The following PHF20 variants were observed in gnomAD, a reference collection of about 807,000 sequenced individuals.
PHF20 encodes PHD finger protein 20, also known as glioma-expressed antigen 2.
PHF20 carries 23 observed loss-of-function variants against 113.5 expected under a neutral mutation model. The observed-to-expected ratio is 0.20, with a 90% CI of 0.15 to 0.29. The LOEUF (loss-of-function observed/expected upper bound fraction) is 0.29, where lower values mean the gene tolerates loss of function less well. Ranked by LOEUF, PHF20 falls within the 10% of genes least tolerant of loss-of-function variation. The pLI, the probability that PHF20 is intolerant of heterozygous loss-of-function variation, is 1.00. For missense variants in PHF20, 943 were observed against 1,219.6 expected (o/e 0.77, Z 3.38); for synonymous variants, 434 against 457.3 (o/e 0.95, Z 0.65).
chr20:35,777,599 T>G (rs1194422473), intron 1 of PHF20, among the ~76,000 whole-genome samples: 1 of 152,230 alleles, frequency 6.6e-6, no homozygotes, highest in Non-Finnish European at 1.5e-5. Flanking sequence ...GAGGATTGCT[T>G]GAAGCCAGGA....
At chr20:35,829,236 A>C (rs2042315761) in intron 2 of PHF20, among the ~76,000 whole-genome samples, 1 of 152,232 alleles carries the variant, frequency 6.6e-6, no homozygotes, top group South Asian at 2.1e-4. Context: ...TACATACAAC[A>C]TAAAATTTAG....
At chr20:35,859,475 A>C (rs1434238788) in intron 5 of PHF20, among the ~76,000 whole-genome samples, 2 of 151,748 alleles carry the variant, frequency 1.3e-5, no homozygotes, top group African/African-American at 4.8e-5. Flanking sequence ...ATAACTTGCT[A>C]CTCATCTGCT....
rs893214987 is a variant in PHF20, at chr20:35,861,165, T to C, written c.421-1848T>C. ...GAATAGATTGAGTTTTTTTTTTTTT[T>C]CTGTAGGACTGCACTGCCTTATAAA... is the stretch of plus-strand genomic sequence containing the variant. On this transcript the variant is annotated intron_variant, in intron 5 of 17. Transcript: ENST00000374012. 2.0e-5 allele frequency among the ~76,000 whole-genome samples: 3 copies of C among 152,072 alleles called. No individual in the cohort carries two copies. In the East Asian group the frequency reaches 5.8e-4, roughly 29 times the overall value.
At chr20:35,792,031 T>G (rs1351171419) in intron 1 of PHF20, among the ~76,000 whole-genome samples, 1 of 152,152 alleles carries the variant, frequency 6.6e-6, no homozygotes. Context: ...AATCCACTGA[T>G]TTAATCGACT....
intron 4 of PHF20, chr20:35,850,826 T>A: frequency 8.9e-7 from 1 of 1,119,274 alleles, no homozygotes; most frequent in Non-Finnish European, 1.3e-6. Flanking sequence ...GAAAATCAGG[T>A]GTATGTTTCT....
intron 10 of PHF20, among the ~76,000 whole-genome samples, chr20:35,905,018 C>T (rs2055178015): frequency 6.6e-6 from 1 of 151,764 alleles, no homozygotes; most frequent in South Asian, 2.1e-4. Context: ...AGAGACTGGG[C>T]TTCTCCGTGT....
intron 10 of PHF20, among the ~76,000 whole-genome samples, chr20:35,904,918 C>G (rs558027883): frequency 3.3e-4 from 50 of 151,736 alleles, no homozygotes; most frequent in African/African-American, 1.1e-3. Context: ...CTCCGCCTCC[C>G]GGATTCAAAT....
chr20:35,849,598 G>T, intron 4 of PHF20: 1 of 443,128 alleles, frequency 2.3e-6, no homozygotes, highest in Non-Finnish European at 4.7e-6. Context: ...GTCAGTTTGT[G>T]CTTCATCACG....
chr20:35,801,683 C>A, intron 2 of PHF20, 78 bp downstream of exon 2: 2 of 879,396 alleles, frequency 2.3e-6, no homozygotes, highest in Admixed American at 2.3e-5. Flanking sequence ...GTAGCTTAGG[C>A]TTTTTTTGTG....
chr20:35,888,959 T>G (rs2147032284), intron 9 of PHF20, among the ~76,000 whole-genome samples: 1 of 151,748 alleles, frequency 6.6e-6, no homozygotes, highest in South Asian at 2.1e-4. Flanking sequence ...GGGATTTATG[T>G]AGACTTTGGC....
At chr20:35,779,345 T>G (rs2041238756) in intron 1 of PHF20, among the ~76,000 whole-genome samples, 1 of 151,898 alleles carries the variant, frequency 6.6e-6, no homozygotes, top group African/African-American at 2.4e-5. Flanking sequence ...TAAACCAAGG[T>G]TTTTATTCAG....
chr20:35,799,566 G>A (rs1031689739), intron 1 of PHF20, among the ~76,000 whole-genome samples: 2 of 152,112 alleles, frequency 1.3e-5, no homozygotes, highest in Admixed American at 6.6e-5. Flanking sequence ...TTAGAGTTCA[G>A]AGTGGCTACA....
chr20:35,915,255 C>T (rs537830238), intron 12 of PHF20, among the ~76,000 whole-genome samples: 92 of 150,392 alleles, frequency 6.1e-4, no homozygotes, highest in African/African-American at 2.2e-3. Flanking sequence ...AGTGGATGTG[C>T]AGGTGAATGA....
At chr20:35,901,083 A>G (rs962881509) in intron 10 of PHF20, among the ~76,000 whole-genome samples, 1 of 151,932 alleles carries the variant, frequency 6.6e-6, no homozygotes, top group African/African-American at 2.4e-5. Context: ...GTATTGGTTT[A>G]TGTGTTTATT....
chr20:35,863,483 C>A, intron 6 of PHF20, 83 bp downstream of exon 6: 2 of 1,317,124 alleles, frequency 1.5e-6, no homozygotes, highest in Non-Finnish European at 2.1e-6. Flanking sequence ...AACTTGTGTA[C>A]GTCAATCGTT....
intron 7 of PHF20, 84 bp downstream of exon 7, chr20:35,869,635 C>T: frequency 1.3e-6 from 1 of 768,144 alleles, no homozygotes. Context: ...TCCCCCATTC[C>T]CTATAGGCTC....
intron 10 of PHF20, among the ~76,000 whole-genome samples, chr20:35,911,259 G>A (rs539895327): frequency 5.3e-5 from 8 of 151,562 alleles, no homozygotes; most frequent in Middle Eastern, 3.4e-3. Context: ...AGCCAGGATG[G>A]TCTCAATCTC....
Position 35,941,040 on chromosome 20 carries a change from G to A in PHF20, c.2889G>A (p.Glu963=). 4 of 1,612,944 alleles carry A rather than the reference G, an allele frequency of 2.5e-6. No individual in the cohort carries two copies. Among genetic ancestry groups the A allele is most frequent in the Non-Finnish European group, 3.4e-6 (4 of 1,179,216 alleles). ...VTHRMDSIEK[E]LDVLESWLDY... ...ACAGGATGGACTCCATTGAGAAGGA[G>A]TTGGATGGTAGGGCTCCTTCATTGG... is the stretch of plus-strand genomic sequence containing the variant. Residue 963 remains glutamate, a synonymous_variant, in exon 17 of 18, where the codon GAG becomes GAA. Transcript: ENST00000374012.
chr20:35,853,577 G>T (rs1476374516), intron 4 of PHF20, among the ~76,000 whole-genome samples: 1 of 151,974 alleles, frequency 6.6e-6, no homozygotes, highest in African/African-American at 2.4e-5. Context: ...CCAATGCCCC[G>T]CTATCTCTAC....
Sources: allele counts gnomAD v4.1 joint callset (sites outside exome capture counted in the v4.1 genomes callset), GRCh38; gene constraint gnomAD v4.1.1; transcripts MANE v1.5; gene names NCBI Gene and HGNC (gene_info 2026-07-23, HGNC 2026-07-21).